The following MCMDC2 variants were observed in gnomAD, a reference collection of about 807,000 sequenced individuals.
MCMDC2 encodes the protein minichromosome maintenance domain containing 2.
MCMDC2 carries 54 observed loss-of-function variants against 75.8 expected under a neutral mutation model. That is an observed-to-expected ratio of 0.71 (90% CI 0.57 to 0.89). MCMDC2 has a LOEUF of 0.89. MCMDC2 is among the 40% of genes least tolerant of loss of function. The pLI is 0.00. For synonymous variants in MCMDC2, 249 were observed against 274.6 expected, an observed-to-expected ratio of 0.91 and a Z score of 0.92; for missense variants, 656 against 780.4, an observed-to-expected ratio of 0.84 and a Z score of 1.90.
chr8:66,922,425 T>G (rs1813586176), downstream of MCMDC2: 1 of 495,530 alleles, frequency 2.0e-6, no homozygotes, highest in Admixed American at 2.1e-5. Flanking sequence ...CTTAATTAAA[T>G]TATTGCCTTA....
chr8:66,915,451 CA>C (rs1195334056), intron 14 of MCMDC2, among the ~76,000 whole-genome samples: 2,256 of 122,820 alleles, frequency 0.018, 44 homozygotes, highest in South Asian at 0.054. Context: ...GACTCCGTCT[CA>C]AAAAAAAAAA....
intron 10 of MCMDC2, among the ~76,000 whole-genome samples, chr8:66,893,326 C>T (rs950447508): frequency 1.3e-5 from 2 of 152,160 alleles, no homozygotes; most frequent in Non-Finnish European, 2.9e-5. Context: ...CTGGGCAACA[C>T]ACTGAGACCC....
At chr8:66,895,400 C>CTTT (rs34840665) in intron 10 of MCMDC2, among the ~76,000 whole-genome samples, 58 of 136,350 alleles carry the variant, frequency 4.3e-4, no homozygotes, top group African/African-American at 1.4e-3. Context: ...TTCTTTCTTT[C>CTTT]TTTTTTTTTT....
At chr8:66,872,251 A>G (rs897189058) in intron 1 of MCMDC2, among the ~76,000 whole-genome samples, 4 of 151,364 alleles carry the variant, frequency 2.6e-5, no homozygotes, top group African/African-American at 7.3e-5. Context: ...TAAAACTGAT[A>G]ATGAGGGTGG....
Position 66,896,909 on chromosome 8 carries a change from G to C in MCMDC2, c.1576G>C (p.Gly526Arg), listed in dbSNP as rs756632915. The C allele has an allele frequency of 1.9e-6, 3 of 1,612,430 alleles. No individual in the cohort carries two copies. Among genetic ancestry groups the C allele is most frequent in the Non-Finnish European group, 1.7e-6 (2 of 1,179,380 alleles). The change falls in exon 12 of 15, where the codon GGG (glycine) becomes CGG (arginine). Residue 526 changes from glycine (G) to arginine (R), a missense_variant. Physicochemically the swap from Gly to Arg is moderately radical, Grantham distance 125. Transcript: ENST00000422365. ...TTTGAACAAAGCCATTAATCCTGAA[G>C]GGCTGTTTTATGCGGCTTCTAGACA... ...HTLNKAINPE[G>R]LFYAASRQFT... is the part of the protein sequence containing the mutation.
At chr8:66,905,847 G>A (rs139322976) in intron 14 of MCMDC2, among the ~76,000 whole-genome samples, 16,268 of 151,766 alleles carry the variant, frequency 0.11, 1,002 homozygotes, top group African/African-American at 0.18. Context: ...TCTACTAAAA[G>A]TACAAAAATT....
At chr8:66,910,420 C>T (rs879802636) in intron 14 of MCMDC2, among the ~76,000 whole-genome samples, 14 of 152,306 alleles carry the variant, frequency 9.2e-5, no homozygotes, top group Middle Eastern at 3.4e-3. Context: ...TACAAAGCCA[C>T]GGGGGCAGAG....
At chr8:66,923,040 G>A (rs966226125), downstream of MCMDC2, among the ~76,000 whole-genome samples, 2 of 152,148 alleles carry the variant, frequency 1.3e-5, no homozygotes, top group Non-Finnish European at 2.9e-5. Flanking sequence ...GCAGGAAAAT[G>A]GTGGAAACAT....
rs1261220920 is a variant in MCMDC2 at position 66,920,643 on chromosome 8, A to C, written c.*1474A>C. On this transcript the variant is annotated 3_prime_UTR_variant, in exon 15 of 15. Transcript: ENST00000422365. ...TCTCTATGGGGGGAAGGCAAAACAC[A>C]TTCCTATTTTATAAAACTAGGATCC... 4 of 152,198 alleles carry C rather than the reference A, an allele frequency of 2.6e-5. No homozygotes were observed. Among genetic ancestry groups the C allele is most frequent in the African/African-American group, 9.7e-5 (4 of 41,434 alleles). 9.4% of individuals were successfully genotyped at this position (152,198 alleles called of 1,614,324 possible).
intron 14 of MCMDC2, among the ~76,000 whole-genome samples, chr8:66,908,163 G>A (rs887019656): frequency 2.0e-5 from 3 of 152,266 alleles, no homozygotes; most frequent in South Asian, 2.1e-4. Flanking sequence ...GTCCTAAATG[G>A]TGTTGCCTAG....
At chr8:66,915,933 G>A (rs1290582958) in intron 14 of MCMDC2, among the ~76,000 whole-genome samples, 1 of 152,132 alleles carries the variant, frequency 6.6e-6, no homozygotes, top group Non-Finnish European at 1.5e-5. Flanking sequence ...TCCAGAAAGG[G>A]GCAGAGTGGT....
chr8:66,880,739 C>T (rs1811518808), intron 7 of MCMDC2, 110 bp from the exon 8 acceptor site: 1 of 1,092,716 alleles, frequency 9.2e-7, no homozygotes. Context: ...AGTAAATACT[C>T]CTAACTCAAC....
chr8:66,874,350 A>G lies in MCMDC2; in HGVS notation c.119A>G (p.Tyr40Cys), dbSNP rs61739940. 8,112 of 1,612,736 alleles carry G rather than the reference A, an allele frequency of 5.0e-3. 352 individuals carry two copies. In the African/African-American group the frequency reaches 0.092, roughly 18 times the overall value. Residue 40 changes from tyrosine to cysteine, a missense_variant, in exon 3 of 15, where the codon TAT becomes TGT. By Grantham distance (194) the Tyr-to-Cys change is radical. Transcript: ENST00000422365. ...YNDSKQSYAV[Y>C]RFKILINPSD... ...GATTCAAAACAAAGCTATGCTGTCT[A>G]TCGATTCAAAATTTTAATAAATCCC...
chr8:66,924,556 C>G (rs933203425), downstream of MCMDC2, among the ~76,000 whole-genome samples: 1 of 151,610 alleles, frequency 6.6e-6, no homozygotes, highest in Non-Finnish European at 1.5e-5. Context: ...ACTGCTTGAA[C>G]CCCGGGAGGT....
At chr8:66,904,075 G>A (rs1220755146) in intron 13 of MCMDC2, among the ~76,000 whole-genome samples, 1 of 152,158 alleles carries the variant, frequency 6.6e-6, no homozygotes, top group East Asian at 1.9e-4. Context: ...AGTAAATAAT[G>A]TAATATGGCT....
chr8:66,883,845 C>A lies in MCMDC2; in HGVS notation c.924C>A (p.Ile308=). 12 of 1,613,960 alleles carry A rather than the reference C, an allele frequency of 7.4e-6. No individual in the cohort carries two copies. Among genetic ancestry groups the A allele is most frequent in the Non-Finnish European group, 9.3e-6 (11 of 1,179,958 alleles). The part of the protein sequence containing the change: ...CWKFTAILAN[I]FASQITPPGT... ...AGTTTACAGCAATACTTGCCAATAT[C>A]TTTGCATCACAAATTACCCCTCCTG... The change falls in exon 9 of 15, where the codon ATC becomes ATA. Residue 308 remains isoleucine, a synonymous_variant. Transcript: ENST00000422365.
intron 5 of MCMDC2, 128 bp downstream of exon 5, chr8:66,877,672 C>T (rs1460431159): frequency 6.5e-6 from 4 of 613,468 alleles, no homozygotes; most frequent in South Asian, 2.3e-5. Context: ...TGAGACCAGC[C>T]TGGGCAACAT....
intron 13 of MCMDC2, among the ~76,000 whole-genome samples, chr8:66,903,092 A>C (rs1257889642): frequency 6.6e-6 from 1 of 151,734 alleles, no homozygotes; most frequent in Non-Finnish European, 1.5e-5. Flanking sequence ...ATTGCACTCC[A>C]ACCTGGGCAA....
chr8:66,899,941 G>C (rs1299167029), intron 12 of MCMDC2, among the ~76,000 whole-genome samples: 1 of 150,792 alleles, frequency 6.6e-6, no homozygotes, highest in African/African-American at 2.4e-5. Context: ...GGCCAATATG[G>C]TGAAACTGTC....
Sources: allele counts gnomAD v4.1 joint callset (sites outside exome capture counted in the v4.1 genomes callset), GRCh38; gene constraint gnomAD v4.1.1; transcripts MANE v1.5; gene names NCBI Gene and HGNC (gene_info 2026-07-23, HGNC 2026-07-21).